The following TSPAN5 variants were observed in gnomAD, a reference collection of about 807,000 sequenced individuals.
The protein encoded by TSPAN5 is tetraspanin-5.
In TSPAN5, 10 loss-of-function variants were observed where a neutral mutation model predicts 37.1. The ratio of observed to expected loss-of-function variants is 0.27; its 90% CI spans 0.17 to 0.46. TSPAN5 has a LOEUF of 0.46. TSPAN5 is among the 20% of genes least tolerant of loss of function. TSPAN5 has a pLI of 1.00. For missense variants in TSPAN5, 195 were observed against 326.6 expected, an observed-to-expected ratio of 0.60 and a Z score of 3.11; for synonymous variants, 110 against 118.9, an observed-to-expected ratio of 0.93 and a Z score of 0.48.
At chr4:98,607,370 C>T (rs995622865) in intron 1 of TSPAN5, among the ~76,000 whole-genome samples, 6 of 152,116 alleles carry the variant, frequency 3.9e-5, no homozygotes, top group Admixed American at 1.3e-4. Flanking sequence ...TTGAGGAATG[C>T]GACATGTGAT....
intron 1 of TSPAN5, among the ~76,000 whole-genome samples, chr4:98,565,720 G>A (rs752169698): frequency 6.6e-6 from 1 of 152,156 alleles, no homozygotes; most frequent in Non-Finnish European, 1.5e-5. Flanking sequence ...GCAGCTGAGA[G>A]GCTGTCTGAG....
At chr4:98,537,439 C>T (rs1754261104) in intron 1 of TSPAN5, among the ~76,000 whole-genome samples, 1 of 152,210 alleles carries the variant, frequency 6.6e-6, no homozygotes, top group Non-Finnish European at 1.5e-5. Context: ...CCTATTCGGC[C>T]ATCTTGCCAG....
At chr4:98,549,552 G>A (rs1342843449) in intron 1 of TSPAN5, among the ~76,000 whole-genome samples, 1 of 151,684 alleles carries the variant, frequency 6.6e-6, no homozygotes, top group Admixed American at 6.6e-5. Flanking sequence ...GCCCACCTCA[G>A]TCTCCCAAAG....
At chr4:98,535,506 T>G (rs1051681371) in intron 1 of TSPAN5, among the ~76,000 whole-genome samples, 4 of 152,176 alleles carry the variant, frequency 2.6e-5, no homozygotes, top group African/African-American at 9.7e-5. Flanking sequence ...GAAGATTATG[T>G]GTCTTGGGAT....
At chr4:98,577,798 G>T (rs1253032095) in intron 1 of TSPAN5, among the ~76,000 whole-genome samples, 1 of 152,156 alleles carries the variant, frequency 6.6e-6, no homozygotes, top group Non-Finnish European at 1.5e-5. Context: ...TACCTCTCTA[G>T]AAATGGAGAT....
At chr4:98,592,118 T>C (rs1755648299) in intron 1 of TSPAN5, among the ~76,000 whole-genome samples, 1 of 151,334 alleles carries the variant, frequency 6.6e-6, no homozygotes, top group South Asian at 2.1e-4. Context: ...TTTCAATAAA[T>C]AGTGTTATAA....
chr4:98,598,401 G>A (rs1162397327), intron 1 of TSPAN5, among the ~76,000 whole-genome samples: 5 of 150,562 alleles, frequency 3.3e-5, no homozygotes, highest in East Asian at 2.0e-4. Context: ...CGTCTTCTGC[G>A]TCGCTCACGC....
chr4:98,612,434 C>A (rs556170550), intron 1 of TSPAN5, among the ~76,000 whole-genome samples: 7 of 152,340 alleles, frequency 4.6e-5, no homozygotes, highest in East Asian at 1.9e-4. Context: ...CAATTAAATT[C>A]TTTTGCTTAA....
In TSPAN5 at chr4:98,535,147, T is replaced by A. The variant is rs191169398; in HGVS notation, c.82-27419A>T. On this transcript the variant is annotated intron_variant, in intron 1 of 7. Transcript: ENST00000305798. Reference sequence around the variant, plus strand: ...AACATCAATGGTCTTTACAATTTGGTATGTTTTTGCAGTGGCTGGTACCGG... The same window carrying A: ...AACATCAATGGTCTTTACAATTTGGAATGTTTTTGCAGTGGCTGGTACCGG... 1.4e-3 allele frequency among the ~76,000 whole-genome samples: 214 copies of A among 152,304 alleles called. 1 individual carries two copies. Among genetic ancestry groups the A allele is most frequent in the African/African-American group, 4.9e-3 (205 of 41,570 alleles).
chr4:98,539,047 G>A (rs910430430), intron 1 of TSPAN5, among the ~76,000 whole-genome samples: 3 of 151,834 alleles, frequency 2.0e-5, no homozygotes, highest in African/African-American at 7.3e-5. Context: ...TGGGAGGCTG[G>A]GGAATGCTAC....
chr4:98,504,916 G>C (rs1753439963), intron 2 of TSPAN5, among the ~76,000 whole-genome samples: 1 of 152,104 alleles, frequency 6.6e-6, no homozygotes. Context: ...CTGGATGCTG[G>C]GAAGTCCATG....
At chr4:98,625,484 C>G (rs561688533) in intron 1 of TSPAN5, among the ~76,000 whole-genome samples, 2 of 152,288 alleles carry the variant, frequency 1.3e-5, no homozygotes, top group East Asian at 1.9e-4. Flanking sequence ...ATTACCCATG[C>G]AAGATTGACG....
At chr4:98,525,680 T>C (rs944338026) in intron 1 of TSPAN5, among the ~76,000 whole-genome samples, 1 of 152,176 alleles carries the variant, frequency 6.6e-6, no homozygotes, top group Admixed American at 6.5e-5. Flanking sequence ...GAGTTCTGTA[T>C]ATATAGCTCA....
chr4:98,489,578 G>A (rs1037367903), intron 2 of TSPAN5, among the ~76,000 whole-genome samples: 2 of 152,046 alleles, frequency 1.3e-5, no homozygotes, highest in African/African-American at 2.4e-5. Flanking sequence ...TTCACTCGCC[G>A]TCCACCACTG....
intron 2 of TSPAN5, among the ~76,000 whole-genome samples, chr4:98,494,634 T>A (rs930040528): frequency 6.6e-6 from 1 of 151,898 alleles, no homozygotes; most frequent in Non-Finnish European, 1.5e-5. Context: ...AAAAGTATAT[T>A]GCCATAATCA....
intron 1 of TSPAN5, among the ~76,000 whole-genome samples, chr4:98,572,481 G>A (rs962674305): frequency 2.0e-5 from 3 of 152,174 alleles, no homozygotes; most frequent in African/African-American, 4.8e-5. Flanking sequence ...GACTGAGACC[G>A]CTACCTTCAT....
At chr4:98,647,142 A>C (rs547979455) in intron 1 of TSPAN5, among the ~76,000 whole-genome samples, 1 of 152,242 alleles carries the variant, frequency 6.6e-6, no homozygotes, top group South Asian at 2.1e-4. Flanking sequence ...GTTAGGATGA[A>C]TCTTTCAATA....
intron 1 of TSPAN5, among the ~76,000 whole-genome samples, chr4:98,583,980 TCTCCCA>T (rs915072829): frequency 2.0e-5 from 3 of 151,958 alleles, no homozygotes; most frequent in African/African-American, 7.3e-5. Flanking sequence ...TCCCCCTCCC[TCTCCCA>T]CTCCCACCTT....
chr4:98,597,415 C>T (rs1755768384), intron 1 of TSPAN5, among the ~76,000 whole-genome samples: 1 of 57,880 alleles, frequency 1.7e-5, no homozygotes, highest in Non-Finnish European at 2.9e-5. Flanking sequence ...ATTTGATCGT[C>T]TGAAGGCTTC....
Sources: gnomAD v4.1 joint callset for allele counts (sites outside exome capture counted in the v4.1 genomes callset) on GRCh38, gnomAD v4.1.1 for gene constraint, MANE v1.5 for transcripts, NCBI Gene and HGNC (gene_info 2026-07-23, HGNC 2026-07-21) for gene names.